Variants in ACTMAP observed in about 807,000 individuals in gnomAD.
The protein encoded by ACTMAP is UPF0692 protein C19orf54.
chr19:40,746,120 T>C, the ACTMAP span, among the ~76,000 whole-genome samples: 2 of 152,210 alleles, frequency 1.3e-5, no homozygotes, highest in Non-Finnish European at 2.9e-5. Context: ...GGTAACAACA[T>C]GCTTAAGGCC....
the ACTMAP span, chr19:40,750,269 G>A: frequency 6.5e-6 from 1 of 152,920 alleles, no homozygotes. Flanking sequence ...CCCGAGTTCG[G>A]AACCTTTGAG....
At chr19:40,749,849 G>A in the ACTMAP span, 1 of 1,309,182 alleles carries the variant, frequency 7.6e-7, no homozygotes, top group Non-Finnish European at 1.0e-6. Context: ...AGCGGGGAGG[G>A]AAGGATCCTC....
chr19:40,744,795 G>T, the ACTMAP span: 1 of 1,413,222 alleles, frequency 7.1e-7, no homozygotes, highest in Non-Finnish European at 9.4e-7. Context: ...CCCTCTCCCA[G>T]GCCAGCGAGG....
the ACTMAP span, chr19:40,744,787 C>T: frequency 2.1e-6 from 3 of 1,432,982 alleles, no homozygotes; most frequent in South Asian, 4.3e-5. Context: ...TCCCCCTCCC[C>T]TCTCCCAGGC....
chr19:40,742,289 T>C, the ACTMAP span: 4 of 844,906 alleles, frequency 4.7e-6, no homozygotes, highest in Non-Finnish European at 5.6e-6. Flanking sequence ...TGGTGCTCAA[T>C]ACTGCAGGGG....
chr19:40,744,900 C>G, the ACTMAP span: 1 of 818,094 alleles, frequency 1.2e-6, no homozygotes, highest in Non-Finnish European at 1.9e-6. Context: ...GAGGAGGAAC[C>G]AAGGTGGAGT....
At chr19:40,742,477 A>G in the ACTMAP span, 7 of 1,477,346 alleles carry the variant, frequency 4.7e-6, no homozygotes, top group Non-Finnish European at 4.5e-6. Flanking sequence ...GCCTGGCCAC[A>G]GAGGCCAGCC....
chr19:40,742,155 TC>T, the ACTMAP span: 1 of 626,170 alleles, frequency 1.6e-6, no homozygotes, highest in Non-Finnish European at 3.0e-6. Context: ...GGCAGGAGGT[TC>T]CTCAAATGTC....
the ACTMAP span, chr19:40,744,438 C>A: frequency 6.7e-7 from 1 of 1,489,034 alleles, no homozygotes; most frequent in Non-Finnish European, 9.0e-7. Context: ...CTCTACTGGG[C>A]AGTGGGAAGG....
chr19:40,743,318 C>T, the ACTMAP span, among the ~76,000 whole-genome samples: 2,913 of 151,798 alleles, frequency 0.019, 37 homozygotes, highest in Non-Finnish European at 0.028. Flanking sequence ...CTGCAACCTC[C>T]GCCTCCCAGG....
the ACTMAP span, among the ~76,000 whole-genome samples, chr19:40,747,578 G>A: frequency 6.6e-6 from 1 of 152,054 alleles, no homozygotes; most frequent in Non-Finnish European, 1.5e-5. Context: ...AGCCAGGCTG[G>A]GTGCGGTGGC....
chr19:40,744,281 C>T, the ACTMAP span: 5 of 1,451,454 alleles, frequency 3.4e-6, no homozygotes, highest in African/African-American at 2.8e-5. Context: ...GCTTCCAACC[C>T]TCACCATGAC....
the ACTMAP span, chr19:40,741,023 A>G: frequency 2.5e-6 from 1 of 398,720 alleles, no homozygotes; most frequent in Non-Finnish European, 4.4e-6. Flanking sequence ...ATGTGTTACA[A>G]TGCAGGGGAC....
chr19:40,745,289 G>A, the ACTMAP span: 5 of 1,278,188 alleles, frequency 3.9e-6, no homozygotes, highest in East Asian at 7.6e-5. Flanking sequence ...ATCCAGGGAT[G>A]ATGAAGGGAA....
chr19:40,748,140 T>C, the ACTMAP span, among the ~76,000 whole-genome samples: 1 of 152,090 alleles, frequency 6.6e-6, no homozygotes, highest in African/African-American at 2.4e-5. Context: ...ATTTGCCTCA[T>C]CTCAGTGGGG....
At chr19:40,749,446 G>C in the ACTMAP span, 878 of 1,469,476 alleles carry the variant, frequency 6.0e-4, no homozygotes, top group Middle Eastern at 1.4e-3. Context: ...GTCTAGGGCA[G>C]AGCCTGGGTG....
chr19:40,748,992 T>A, the ACTMAP span, among the ~76,000 whole-genome samples: 2 of 145,104 alleles, frequency 1.4e-5, no homozygotes, highest in African/African-American at 5.1e-5. Flanking sequence ...CTCTTTTTTT[T>A]TTTTTTTTTT....
chr19:40,743,076 G>A, the ACTMAP span, among the ~76,000 whole-genome samples: 1 of 152,102 alleles, frequency 6.6e-6, no homozygotes, highest in Non-Finnish European at 1.5e-5. Context: ...GCTCCAAGAG[G>A]AGCTGTCAAG....
chr19:40,744,268 G>A, the ACTMAP span: 35 of 1,469,648 alleles, frequency 2.4e-5, no homozygotes, highest in African/African-American at 5.6e-5. Context: ...CACAGTGGGC[G>A]ATGCTTCCAA....
Sources: allele counts gnomAD v4.1 joint callset (sites outside exome capture counted in the v4.1 genomes callset), GRCh38; gene constraint gnomAD v4.1.1; transcripts MANE v1.5; gene names NCBI Gene and HGNC (gene_info 2026-07-23, HGNC 2026-07-21).